The following NTRK1 variants were observed in gnomAD, a reference collection of about 807,000 sequenced individuals.
NTRK1 encodes neurotrophic receptor tyrosine kinase 1.
NTRK1 carries 62 observed loss-of-function variants against 86.8 expected under a neutral mutation model. That is an observed-to-expected ratio of 0.71 (90% CI 0.58 to 0.88). The LOEUF is 0.88. NTRK1 is among the 40% of genes least tolerant of loss of function. The probability of loss-of-function intolerance (pLI) is 0.00; values close to 1 mark genes in which losing one functional copy is unlikely to be tolerated. For missense variants in NTRK1, 967 were observed against 1,078.4 expected (o/e 0.90, Z 1.45); for synonymous variants, 469 against 456.6 (o/e 1.03, Z -0.35).
intron 1 of NTRK1, among the ~76,000 whole-genome samples, chr1:156,829,140 G>A (rs6664972): frequency 0.01 from 1,561 of 152,304 alleles, 23 homozygotes; most frequent in African/African-American, 0.035. Flanking sequence ...TTCAGCTCAC[G>A]ATAGGAGTGA....
At chr1:156,862,917 C>G (rs1655744181) in intron 1 of NTRK1, among the ~76,000 whole-genome samples, 2 of 152,080 alleles carry the variant, frequency 1.3e-5, no homozygotes, top group Admixed American at 6.5e-5. Context: ...CTGATCCTGG[C>G]TGTCCTGGTG....
intron 1 of NTRK1, among the ~76,000 whole-genome samples, chr1:156,833,179 T>C (rs531178806): frequency 3.3e-5 from 5 of 152,360 alleles, no homozygotes; most frequent in African/African-American, 9.6e-5. Flanking sequence ...TTTGAGCAAG[T>C]TATTTGACTT....
At chr1:156,851,525 G>T in intron 2 of NTRK1, 1 of 1,601,916 alleles carries the variant, frequency 6.2e-7, no homozygotes, top group Non-Finnish European at 8.6e-7. Context: ...GGGAAGGTGG[G>T]CCCTCAGGAC....
intron 1 of NTRK1, among the ~76,000 whole-genome samples, chr1:156,817,047 T>TTCTCTCTCTCTCTCTC (rs3840456): frequency 0.052 from 5,948 of 113,684 alleles, 551 homozygotes; most frequent in East Asian, 0.06. Flanking sequence ...GAACTTCCCT[T>TTCTCTCTCTCTCTCTC]TCTCTCTCTC....
At position 156,861,470 on chromosome 1, in the gene NTRK1, C is replaced by T. The variant is rs1463750139; in HGVS notation, c.212+324C>T. On this transcript the variant is annotated intron_variant, in intron 1 of 16. Coordinates refer to ENST00000524377, the MANE Select transcript of NTRK1 (RefSeq NM_002529.4). ...GCTTTCTGGAGCTCAGCCAGAAGCC[C>T]CTGCTCTGTCCTACAGAGAAGGATG... Among the ~76,000 whole-genome samples, 23 of 152,200 alleles carry T rather than the reference C, an allele frequency of 1.5e-4. 1 individual carries two copies. The highest frequency in any genetic ancestry group is 1.5e-3 in the Admixed American group (23 of 15,288).
At chr1:156,868,273 G>A (rs1005687036) in intron 5 of NTRK1, 24 bp downstream of exon 5, 23 of 1,603,766 alleles carry the variant, frequency 1.4e-5, no homozygotes, top group Non-Finnish European at 1.8e-5. Flanking sequence ...GAGGGAGGTG[G>A]TGTAAGGGGG....
chr1:156,835,118 G>C (rs16837711), intron 1 of NTRK1, among the ~76,000 whole-genome samples: 28,387 of 152,098 alleles, frequency 0.19, 4,939 homozygotes, highest in African/African-American at 0.46. Flanking sequence ...CCTGTAAACA[G>C]AGAGCTATTG....
At chr1:156,824,364 T>C (rs1358218024) in intron 1 of NTRK1, among the ~76,000 whole-genome samples, 1 of 152,220 alleles carries the variant, frequency 6.6e-6, no homozygotes, top group Non-Finnish European at 1.5e-5. Flanking sequence ...GTTGGTTATA[T>C]GGACCCTCTA....
chr1:156,834,128 T>C (rs1654537884), intron 1 of NTRK1, among the ~76,000 whole-genome samples: 1 of 150,390 alleles, frequency 6.6e-6, no homozygotes, highest in Non-Finnish European at 1.5e-5. Flanking sequence ...ACTCACACCA[T>C]AGCTGTGTAT....
chr1:156,864,185 A>G (rs763721415), intron 1 of NTRK1, among the ~76,000 whole-genome samples, 169 bp from the exon 2 acceptor site: 2 of 151,744 alleles, frequency 1.3e-5, no homozygotes, highest in Non-Finnish European at 2.9e-5. Flanking sequence ...CTCTGTGCAC[A>G]TGTATGCATT....
At chr1:156,866,083 C>T (rs78655270) in intron 3 of NTRK1, among the ~76,000 whole-genome samples, 4,781 of 152,292 alleles carry the variant, frequency 0.031, 115 homozygotes, top group East Asian at 0.09. Flanking sequence ...ACTGAGGTCA[C>T]ACAGCTGTAA....
chr1:156,865,974 T>G (rs74422503), intron 3 of NTRK1, among the ~76,000 whole-genome samples: 2 of 152,258 alleles, frequency 1.3e-5, no homozygotes, highest in African/African-American at 4.8e-5. Flanking sequence ...ACGATACTTA[T>G]GTCAATGAAT....
intron 3 of NTRK1, among the ~76,000 whole-genome samples, chr1:156,865,784 C>T (rs1285265570): frequency 1.3e-5 from 2 of 152,124 alleles, no homozygotes; most frequent in East Asian, 3.9e-4. Flanking sequence ...GTTCAGCTCC[C>T]CTGTCCCCCA....
chr1:156,857,578 G>A (rs1276471590), upstream of NTRK1, among the ~76,000 whole-genome samples: 4 of 152,184 alleles, frequency 2.6e-5, no homozygotes, highest in South Asian at 6.2e-4. Context: ...GAGGGGGTTC[G>A]GTGGTCGGGG....
intron 14 of NTRK1, 89 bp downstream of exon 14, chr1:156,876,661 A>G: frequency 6.8e-7 from 1 of 1,468,802 alleles, no homozygotes; most frequent in Admixed American, 2.0e-5. Flanking sequence ...TTGTCTTTCA[A>G]ACCAAGGGGA....
At position 156,873,932 on chromosome 1, in the gene NTRK1, G is replaced by A. The variant is rs1647731046; in HGVS notation, c.1150G>A (p.Glu384Lys). Residue 384 changes from glutamate (E) to lysine (K), a missense_variant, in exon 8 of 17, where the codon GAG becomes AAG. Glu to Lys is a moderately conservative substitution (Grantham distance 56). Transcript: ENST00000524377. ...GGCTGCCTTCATGGACAACCCTTTC[G>A]AGTTCAACCCCGAGGACCCCATCCC... ...IMAAFMDNPF[E>K]FNPEDPIPVS... The A allele has an allele frequency of 5.1e-6, 8 of 1,557,256 alleles. No individual in the cohort carries two copies. The highest frequency in any genetic ancestry group is 1.2e-5 in the South Asian group (1 of 84,614).
intron 1 of NTRK1, among the ~76,000 whole-genome samples, chr1:156,834,671 G>A (rs549302786): frequency 1.3e-5 from 2 of 151,960 alleles, no homozygotes; most frequent in East Asian, 3.9e-4. Context: ...AGTTACTTAT[G>A]TTAAATGTTA....
chr1:156,845,553 C>T, intron 2 of NTRK1: 1 of 1,420,422 alleles, frequency 7.0e-7, no homozygotes, highest in Admixed American at 2.5e-5. Flanking sequence ...CCCACCCCTC[C>T]CGCAAGACCC....
upstream of NTRK1, chr1:156,858,821 G>GA (rs1441474343): frequency 1.7e-6 from 1 of 600,240 alleles, no homozygotes; most frequent in East Asian, 2.8e-5. Context: ...CAAAGACAGT[G>GA]ACAGGCAGTT....
Sources: gnomAD v4.1 joint callset for allele counts (sites outside exome capture counted in the v4.1 genomes callset) on GRCh38, gnomAD v4.1.1 for gene constraint, MANE v1.5 for transcripts, NCBI Gene and HGNC (gene_info 2026-07-23, HGNC 2026-07-21) for gene names.